SPAG16: variants seen among roughly 807,000 people sequenced by gnomAD.
SPAG16 encodes sperm-associated antigen 16 protein.
SPAG16 carries 86 observed loss-of-function variants against 80.4 expected under a neutral mutation model. The observed-to-expected ratio is 1.07, with a 90% CI of 0.90 to 1.28. SPAG16 has a LOEUF of 1.28. SPAG16 is among the 50% of genes most tolerant of loss of function. The probability of loss-of-function intolerance (pLI) is 0.00; values close to 1 mark genes in which losing one functional copy is unlikely to be tolerated. For synonymous variants in SPAG16, 294 were observed against 265.9 expected (o/e 1.11, Z -1.03); for missense variants, 870 against 765.3 (o/e 1.14, Z -1.61).
chr2:213,664,963 T>A (rs2125196118), intron 10 of SPAG16, among the ~76,000 whole-genome samples: 1 of 152,178 alleles, frequency 6.6e-6, no homozygotes, highest in Non-Finnish European at 1.5e-5. Context: ...TATGTTCCTA[T>A]TTACTACTAT....
At chr2:213,336,688 G>A (rs1054994960) in intron 5 of SPAG16, among the ~76,000 whole-genome samples, 1 of 152,188 alleles carries the variant, frequency 6.6e-6, no homozygotes, top group East Asian at 1.9e-4. Context: ...AGGCCTCTCT[G>A]TGGGAATTTC....
chr2:213,701,354 A>T (rs561229280), intron 10 of SPAG16, among the ~76,000 whole-genome samples: 2 of 152,370 alleles, frequency 1.3e-5, no homozygotes, highest in African/African-American at 4.8e-5. Flanking sequence ...ATAGCATTTA[A>T]TAACAATTAC....
chr2:214,304,555 T>C (rs10932532), intron 15 of SPAG16, among the ~76,000 whole-genome samples: 115,454 of 152,070 alleles, frequency 0.76, 45,470 homozygotes, highest in South Asian at 0.86. Context: ...ACTGGCTTGC[T>C]GTTAATAAAT....
intron 10 of SPAG16, among the ~76,000 whole-genome samples, chr2:213,819,313 G>A (rs1034871676): frequency 3.9e-5 from 6 of 152,158 alleles, no homozygotes; most frequent in African/African-American, 1.4e-4. Flanking sequence ...CATGAAAAAC[G>A]TTTGGAAGTT....
intron 10 of SPAG16, among the ~76,000 whole-genome samples, chr2:213,655,683 C>T (rs1014741137): frequency 1.3e-5 from 2 of 152,116 alleles, no homozygotes; most frequent in African/African-American, 4.8e-5. Context: ...ATGAGCCTTA[C>T]CTCCAAATCT....
At chr2:213,700,098 T>G (rs1323707993) in intron 10 of SPAG16, among the ~76,000 whole-genome samples, 1 of 152,200 alleles carries the variant, frequency 6.6e-6, no homozygotes, top group Non-Finnish European at 1.5e-5. Context: ...AGTAAAGAAA[T>G]GTGTATACAT....
intron 8 of SPAG16, 80 bp downstream of exon 8, chr2:213,364,225 G>C (rs1278525480): frequency 2.4e-6 from 2 of 839,034 alleles, no homozygotes; most frequent in African/African-American, 3.6e-5. Context: ...ATATTCTAGA[G>C]ATATTTAAAG....
chr2:214,201,000 C>T (rs886884916), intron 15 of SPAG16, among the ~76,000 whole-genome samples: 1 of 152,202 alleles, frequency 6.6e-6, no homozygotes, highest in African/African-American at 2.4e-5. Context: ...AGGTGATCCA[C>T]TGGATCAGCT....
intron 13 of SPAG16, among the ~76,000 whole-genome samples, chr2:214,041,995 TATATATATATATAC>T (rs1458549878): frequency 6.2e-5 from 8 of 129,058 alleles, no homozygotes; most frequent in African/African-American, 2.3e-4. Context: ...TATATATATA[TATATATATATATAC>T]ACACACACAC....
intron 10 of SPAG16, among the ~76,000 whole-genome samples, chr2:213,787,071 G>C (rs1170868016): frequency 2.0e-5 from 3 of 152,068 alleles, no homozygotes; most frequent in South Asian, 2.1e-4. Context: ...TCCAAGTCGA[G>C]TACTAGTAGT....
intron 15 of SPAG16, among the ~76,000 whole-genome samples, chr2:214,226,040 G>A (rs1320910335): frequency 6.6e-6 from 1 of 152,098 alleles, no homozygotes; most frequent in Non-Finnish European, 1.5e-5. Flanking sequence ...CTTAAATGTA[G>A]GCTGGAGACA....
intron 10 of SPAG16, among the ~76,000 whole-genome samples, chr2:213,591,910 G>A (rs2060706495): frequency 6.6e-6 from 1 of 152,156 alleles, no homozygotes; most frequent in African/African-American, 2.4e-5. Flanking sequence ...GCATGAAGCA[G>A]TATTCTTGCT....
intron 12 of SPAG16, among the ~76,000 whole-genome samples, chr2:213,951,995 G>A (rs369508736): frequency 9.6e-4 from 146 of 152,206 alleles, no homozygotes; most frequent in African/African-American, 3.2e-3. Flanking sequence ...GTAATGGTAA[G>A]TTTCATAGAG....
chr2:213,383,659 T>C (rs920806257), intron 9 of SPAG16, among the ~76,000 whole-genome samples: 1 of 152,184 alleles, frequency 6.6e-6, no homozygotes, highest in Non-Finnish European at 1.5e-5. Flanking sequence ...CTTGAGTACA[T>C]CTGTAGATAG....
chr2:214,267,555 A>G (rs1013251928), intron 15 of SPAG16, among the ~76,000 whole-genome samples: 5 of 151,872 alleles, frequency 3.3e-5, no homozygotes, highest in African/African-American at 1.2e-4. Flanking sequence ...AAAAGAGAAC[A>G]TAATGGGAAA....
intron 5 of SPAG16, among the ~76,000 whole-genome samples, chr2:213,325,497 G>T (rs1411520320): frequency 1.3e-5 from 2 of 151,784 alleles, no homozygotes; most frequent in Non-Finnish European, 2.9e-5. Context: ...AATTTCTTTG[G>T]CACTTTTATT....
chr2:213,491,449 A>G (rs1039208650), intron 10 of SPAG16, among the ~76,000 whole-genome samples: 1 of 152,194 alleles, frequency 6.6e-6, no homozygotes, highest in African/African-American at 2.4e-5. Context: ...TATCCTTCTC[A>G]TATTTCATCA....
intron 12 of SPAG16, among the ~76,000 whole-genome samples, chr2:213,948,163 T>G (rs2079554852): frequency 6.6e-6 from 1 of 152,146 alleles, no homozygotes; most frequent in Admixed American, 6.5e-5. Flanking sequence ...CAAATTTGAG[T>G]TGGAGACTAT....
chr2:214,349,396 T>C (rs1380090702), intron 15 of SPAG16, among the ~76,000 whole-genome samples: 2 of 152,254 alleles, frequency 1.3e-5, no homozygotes, highest in African/African-American at 4.8e-5. Flanking sequence ...GCATAATGTT[T>C]TGAAGATTAA....
Sources: gnomAD v4.1 joint callset for allele counts (sites outside exome capture counted in the v4.1 genomes callset) on GRCh38, gnomAD v4.1.1 for gene constraint, MANE v1.5 for transcripts, NCBI Gene and HGNC (gene_info 2026-07-23, HGNC 2026-07-21) for gene names.